Variants in PRKG1 observed in about 807,000 individuals in gnomAD.
PRKG1 encodes the protein cGMP-dependent protein kinase 1.
A neutral mutation model predicts 88.1 loss-of-function variants in PRKG1; 35 were observed. The observed-to-expected ratio is 0.40, with a 90% CI of 0.30 to 0.53. The LOEUF is 0.53. Among genes scored for constraint, PRKG1 ranks in the 20% least tolerant of loss-of-function variants. The probability of loss-of-function intolerance (pLI) is 0.59; values close to 1 mark genes in which losing one functional copy is unlikely to be tolerated. For missense variants in PRKG1, 540 were observed against 839.8 expected (o/e 0.64, Z 4.41); for synonymous variants, 303 against 292.5 (o/e 1.04, Z -0.37).
chr10:51,491,335 C>T (rs1840703673), intron 3 of PRKG1, among the ~76,000 whole-genome samples: 1 of 152,092 alleles, frequency 6.6e-6, no homozygotes, highest in Non-Finnish European at 1.5e-5. Context: ...GGAATTTTCT[C>T]TCCTTTGCTA....
intron 5 of PRKG1, among the ~76,000 whole-genome samples, chr10:51,924,921 A>T (rs1029780917): frequency 6.8e-6 from 1 of 147,644 alleles, no homozygotes; most frequent in Non-Finnish European, 1.5e-5. Context: ...TTCTCTGCTT[A>T]TATTACTCAC....
intron 4 of PRKG1, among the ~76,000 whole-genome samples, chr10:51,838,374 A>G (rs1840182761): frequency 6.6e-6 from 1 of 152,178 alleles, no homozygotes; most frequent in East Asian, 1.9e-4. Context: ...CATTTGTGCT[A>G]ATAAGCGAAA....
At chr10:51,890,738 A>T (rs1257528103) in intron 4 of PRKG1, among the ~76,000 whole-genome samples, 1 of 152,182 alleles carries the variant, frequency 6.6e-6, no homozygotes, top group Non-Finnish European at 1.5e-5. Context: ...GGTGGATCAC[A>T]TGAGGCCAGG....
chr10:51,212,766 G>A (rs1838258755), intron 2 of PRKG1, among the ~76,000 whole-genome samples: 2 of 152,184 alleles, frequency 1.3e-5, no homozygotes, highest in African/African-American at 4.8e-5. Flanking sequence ...ACCACAGTGA[G>A]ATACCATCTC....
intron 7 of PRKG1, among the ~76,000 whole-genome samples, chr10:52,099,885 G>T (rs1401415268): frequency 6.6e-6 from 1 of 152,174 alleles, no homozygotes; most frequent in African/African-American, 2.4e-5. Flanking sequence ...ACAGGAGAGT[G>T]CTTGTAATGC....
At chr10:51,876,283 G>A (rs539120638) in intron 4 of PRKG1, among the ~76,000 whole-genome samples, 86 of 152,060 alleles carry the variant, frequency 5.7e-4, no homozygotes, top group Non-Finnish European at 1.0e-3. Flanking sequence ...AAATCTCAAA[G>A]GGAAGCATTT....
At chr10:51,488,704 A>T (rs936905758) in intron 3 of PRKG1, among the ~76,000 whole-genome samples, 1 of 152,132 alleles carries the variant, frequency 6.6e-6, no homozygotes, top group Non-Finnish European at 1.5e-5. Flanking sequence ...TTAAACACAC[A>T]CACACATCAT....
chr10:52,099,556 G>A (rs1443052972), intron 7 of PRKG1, among the ~76,000 whole-genome samples: 1 of 152,180 alleles, frequency 6.6e-6, no homozygotes, highest in East Asian at 1.9e-4. Context: ...AATCCTGGGA[G>A]GGGTAACAGG....
At chr10:51,327,228 A>T (rs1490330927) in intron 2 of PRKG1, among the ~76,000 whole-genome samples, 1 of 152,116 alleles carries the variant, frequency 6.6e-6, no homozygotes, top group African/African-American at 2.4e-5. Flanking sequence ...CAGCCTGGCC[A>T]ACATGAAGAA....
chr10:51,940,275 G>A (rs1367798739), intron 5 of PRKG1, among the ~76,000 whole-genome samples: 3 of 151,682 alleles, frequency 2.0e-5, no homozygotes, highest in Non-Finnish European at 2.9e-5. Context: ...TTATTTTGGG[G>A]ATCAGCTTTC....
intron 2 of PRKG1, among the ~76,000 whole-genome samples, chr10:51,387,120 C>G (rs1429405664): frequency 2.0e-5 from 3 of 151,818 alleles, no homozygotes; most frequent in Non-Finnish European, 4.4e-5. Flanking sequence ...AAGGTGAGAG[C>G]AGCCAATCAT....
chr10:51,506,615 C>T (rs1841213781), intron 3 of PRKG1, among the ~76,000 whole-genome samples: 1 of 152,094 alleles, frequency 6.6e-6, no homozygotes. Flanking sequence ...CCATCTCACA[C>T]CAGTTAGAAT....
At chr10:51,453,725 A>G (rs776995629) in intron 2 of PRKG1, among the ~76,000 whole-genome samples, 1 of 151,978 alleles carries the variant, frequency 6.6e-6, no homozygotes, top group Non-Finnish European at 1.5e-5. Context: ...TTTGTGACCT[A>G]TCCTATGGTC....
At chr10:51,198,575 T>C (rs1450360785) in intron 2 of PRKG1, among the ~76,000 whole-genome samples, 2 of 152,208 alleles carry the variant, frequency 1.3e-5, no homozygotes, top group Non-Finnish European at 2.9e-5. Context: ...TATGTACAAT[T>C]GATAAAGTAT....
At position 51,743,705 on chromosome 10, in the gene PRKG1, AAAC is replaced by A. The variant is rs1240238914; in HGVS notation, c.593-60879_593-60877del. Reference sequence around the variant, plus strand: ...ATATAATTTATTATATATATAATATAAACTAAATATATATATATATAATATAAA... The same window carrying A: ...ATATAATTTATTATATATATAATATATAAATATATATATATATAATATAAA... On this transcript the variant is annotated intron_variant, in intron 3 of 17. Transcript: ENST00000373980. Among the ~76,000 whole-genome samples the A allele has an allele frequency of 3.7e-3, 419 of 113,866 alleles. 4 individuals are homozygous for A. Among genetic ancestry groups the A allele is most frequent in the African/African-American group, 0.015 (401 of 27,340 alleles). The allele number at this position is 113,866 out of a possible 152,430, so 74.7% of individuals were successfully genotyped here.
rs1318116136 is a variant in PRKG1, at chr10:51,230,301, G to A, written c.478+76971G>A. Among the ~76,000 whole-genome samples, 5 of 152,152 alleles carry A rather than the reference G, an allele frequency of 3.3e-5. No individual in the cohort carries two copies. The East Asian group carries it at 9.6e-4, about 29-fold the overall frequency. On this transcript the variant is annotated intron_variant, in intron 2 of 17. Coordinates refer to ENST00000373980, the MANE Select transcript of PRKG1 (RefSeq NM_006258.4). ...AAGAGACATGCATAGAGGCTTTCTGGGAGATACTCAAAGCATTGGCACTAA... is the reference window on the plus strand; with the variant it reads ...AAGAGACATGCATAGAGGCTTTCTGAGAGATACTCAAAGCATTGGCACTAA...
At chr10:51,656,039 A>T (rs1470754134) in intron 3 of PRKG1, among the ~76,000 whole-genome samples, 1 of 152,144 alleles carries the variant, frequency 6.6e-6, no homozygotes, top group East Asian at 1.9e-4. Context: ...AATAGAACAG[A>T]ATGTAAGCAA....
At chr10:51,799,943 A>C (rs1313247052) in intron 3 of PRKG1, among the ~76,000 whole-genome samples, 2 of 152,102 alleles carry the variant, frequency 1.3e-5, no homozygotes, top group African/African-American at 4.8e-5. Flanking sequence ...TTTATATTGA[A>C]ATACTGTGAT....
intron 5 of PRKG1, among the ~76,000 whole-genome samples, chr10:51,993,325 T>TA (rs200699126): frequency 0.014 from 2,191 of 151,756 alleles, 61 homozygotes; most frequent in African/African-American, 0.051. Context: ...AACTTCTCAT[T>TA]AAAAAAAATA....
Sources: allele counts gnomAD v4.1 joint callset (sites outside exome capture counted in the v4.1 genomes callset), GRCh38; gene constraint gnomAD v4.1.1; transcripts MANE v1.5; gene names NCBI Gene and HGNC (gene_info 2026-07-23, HGNC 2026-07-21).